The following KLRG1 variants were observed in gnomAD, a reference collection of about 807,000 sequenced individuals.
KLRG1 encodes the protein killer cell lectin-like receptor subfamily G member 1.
Under a neutral mutation model 21.8 loss-of-function variants are expected in KLRG1, and 16 were observed. The observed-to-expected ratio is 0.73, with a 90% CI of 0.50 to 1.11. KLRG1 has a LOEUF of 1.11. Ranked by LOEUF, KLRG1 falls within the 50% of genes most tolerant of loss-of-function variation. The pLI is 0.00. For missense variants in KLRG1, 173 were observed against 218.3 expected (o/e 0.79, Z 1.31); for synonymous variants, 69 against 75.9 (o/e 0.91, Z 0.47).
the KLRG1 span, among the ~76,000 whole-genome samples, chr12:9,136,429 T>G: frequency 2.9e-4 from 44 of 152,234 alleles, no homozygotes; most frequent in Non-Finnish European, 5.9e-4. Flanking sequence ...AAAGTTGTAT[T>G]GATTTCTATA....
At chr12:9,037,033 G>T in the KLRG1 span, 1 of 180,060 alleles carries the variant, frequency 5.6e-6, no homozygotes. Flanking sequence ...CACTCATTTT[G>T]TCTTGCCACT....
At chr12:9,042,693 A>C in the KLRG1 span, among the ~76,000 whole-genome samples, 1 of 152,204 alleles carries the variant, frequency 6.6e-6, no homozygotes, top group African/African-American at 2.4e-5. Context: ...CTTTTAAAAG[A>C]ATTCTGCTGC....
At chr12:9,142,794 C>T in the KLRG1 span, among the ~76,000 whole-genome samples, 1 of 152,082 alleles carries the variant, frequency 6.6e-6, no homozygotes, top group East Asian at 1.9e-4. Flanking sequence ...GAGACAAAGA[C>T]AGATTTTGAG....
At chr12:8,963,227 T>A (rs1215468834) in intron 1 of KLRG1, among the ~76,000 whole-genome samples, 2 of 152,198 alleles carry the variant, frequency 1.3e-5, no homozygotes, top group Admixed American at 6.5e-5. Context: ...CATGAACACA[T>A]GCTGAGAGAA....
intron 3 of KLRG1, among the ~76,000 whole-genome samples, chr12:9,006,376 G>A (rs1323266949): frequency 6.6e-6 from 1 of 152,146 alleles, no homozygotes; most frequent in Non-Finnish European, 1.5e-5. Context: ...GAAATCTCGG[G>A]TAAGATATTC....
the KLRG1 span, chr12:9,106,693 G>A: frequency 1.6e-6 from 1 of 621,280 alleles, no homozygotes; most frequent in Non-Finnish European, 2.8e-6. Context: ...ATTTTTGTGG[G>A]GGGACAACAT....
At chr12:9,113,257 T>G in the KLRG1 span, 2 of 1,240,036 alleles carry the variant, frequency 1.6e-6, no homozygotes, top group East Asian at 4.7e-5. Flanking sequence ...GATTCCTTCC[T>G]GCAGTTCTTA....
chr12:9,063,444 A>G, the KLRG1 span, among the ~76,000 whole-genome samples: 38 of 152,310 alleles, frequency 2.5e-4, no homozygotes, highest in African/African-American at 9.1e-4. Context: ...ACTGACCCCA[A>G]CAAGTATCCA....
chr12:9,038,115 G>A, the KLRG1 span, among the ~76,000 whole-genome samples: 2 of 152,156 alleles, frequency 1.3e-5, no homozygotes, highest in Non-Finnish European at 2.9e-5. Flanking sequence ...TAAAAAATTG[G>A]CTGGGTGTGG....
the KLRG1 span, chr12:9,091,532 C>T: frequency 4.2e-6 from 5 of 1,199,046 alleles, no homozygotes; most frequent in Non-Finnish European, 5.9e-6. Context: ...CTTAAAAACA[C>T]TCAATAGAAA....
chr12:9,024,547 G>A, the KLRG1 span, among the ~76,000 whole-genome samples: 6 of 151,910 alleles, frequency 3.9e-5, no homozygotes, highest in South Asian at 4.2e-4. Flanking sequence ...TACATTTTGC[G>A]TATGTGTGAA....
chr12:9,095,519 C>T, the KLRG1 span: 1 of 1,602,874 alleles, frequency 6.2e-7, no homozygotes, highest in Non-Finnish European at 8.5e-7. Flanking sequence ...ATCAGACCAT[C>T]TGCAACATAA....
chr12:9,028,595 C>G, the KLRG1 span: 4 of 353,098 alleles, frequency 1.1e-5, no homozygotes, highest in African/African-American at 8.6e-5. Flanking sequence ...AGGCACGCAC[C>G]ACCACGCCCT....
At chr12:9,020,377 G>T in the KLRG1 span, among the ~76,000 whole-genome samples, 2 of 152,090 alleles carry the variant, frequency 1.3e-5, no homozygotes, top group Non-Finnish European at 2.9e-5. Context: ...GTTTCCACAT[G>T]ACTTTTCATA....
At chr12:8,957,739 G>C (rs1946319033) in intron 1 of KLRG1, among the ~76,000 whole-genome samples, 1 of 152,194 alleles carries the variant, frequency 6.6e-6, no homozygotes, top group South Asian at 2.1e-4. Flanking sequence ...CTAACGGGCA[G>C]GGAGTGTCCC....
At chr12:9,004,525 A>C (rs1181998182) in intron 3 of KLRG1, among the ~76,000 whole-genome samples, 1 of 152,198 alleles carries the variant, frequency 6.6e-6, no homozygotes, top group African/African-American at 2.4e-5. Context: ...CTGGAGAGCA[A>C]TGGCATGATC....
the KLRG1 span, among the ~76,000 whole-genome samples, chr12:9,109,063 A>G: frequency 6.6e-6 from 1 of 151,882 alleles, no homozygotes; most frequent in African/African-American, 2.4e-5. Flanking sequence ...CAGTTTTGTC[A>G]CTTTCAGAAT....
the KLRG1 span, chr12:9,181,155 C>T: frequency 6.2e-7 from 1 of 1,613,846 alleles, no homozygotes; most frequent in South Asian, 1.1e-5. Context: ...AAGGAAACGT[C>T]AACCAGTGTT....
chr12:9,094,877 T>C, the KLRG1 span: 30 of 604,168 alleles, frequency 5.0e-5, no homozygotes, highest in South Asian at 7.8e-4. Context: ...TCACATGTCC[T>C]TTTTGTTTGT....
Sources: allele counts gnomAD v4.1 joint callset (sites outside exome capture counted in the v4.1 genomes callset), GRCh38; gene constraint gnomAD v4.1.1; transcripts MANE v1.5; gene names NCBI Gene and HGNC (gene_info 2026-07-23, HGNC 2026-07-21).